The following MAML3 variants were observed in gnomAD, a reference collection of about 807,000 sequenced individuals.
MAML3 encodes the protein mastermind-like protein 3.
A neutral mutation model predicts 101.9 loss-of-function variants in MAML3; 27 were observed. The observed-to-expected ratio is 0.27, with a 90% CI of 0.20 to 0.37. The LOEUF is 0.37. Ranked by LOEUF, MAML3 falls within the 10% of genes least tolerant of loss-of-function variation. MAML3 has a pLI of 1.00. For synonymous variants in MAML3, 501 were observed against 555.9 expected, an observed-to-expected ratio of 0.90 and a Z score of 1.39; for missense variants, 1,316 against 1,444.9, an observed-to-expected ratio of 0.91 and a Z score of 1.45.
intron 2 of MAML3, among the ~76,000 whole-genome samples, chr4:139,881,893 G>A (rs1255432523): frequency 1.3e-5 from 2 of 152,048 alleles, no homozygotes; most frequent in Non-Finnish European, 2.9e-5. Flanking sequence ...TAGAGACGGG[G>A]TTTCACCATA....
At chr4:140,150,241 CTCTG>C (rs1172707871) in intron 1 of MAML3, among the ~76,000 whole-genome samples, 15 of 152,320 alleles carry the variant, frequency 9.8e-5, no homozygotes, top group South Asian at 6.2e-4. Flanking sequence ...CAGCTGATGT[CTCTG>C]TCTATTGAAG....
chr4:139,956,792 T>C (rs1216876036), intron 1 of MAML3, among the ~76,000 whole-genome samples: 2 of 152,164 alleles, frequency 1.3e-5, no homozygotes, highest in Non-Finnish European at 1.5e-5. Flanking sequence ...CACACAGATC[T>C]AGAAGTAGGG....
intron 1 of MAML3, among the ~76,000 whole-genome samples, chr4:140,061,302 C>G (rs896177734): frequency 2.0e-5 from 3 of 152,152 alleles, no homozygotes; most frequent in East Asian, 1.9e-4. Flanking sequence ...GGAGATTTAT[C>G]AGAGAGAGAG....
At chr4:139,842,762 C>CTTTTTTTTTTTTTTTT (rs71584337) in intron 2 of MAML3, among the ~76,000 whole-genome samples, 1 of 30,922 alleles carries the variant, frequency 3.2e-5, no homozygotes, top group African/African-American at 1.3e-4. Flanking sequence ...ATCCGCTTGC[C>CTTTTTTTTTTTTTTTT]TTTTTTTTTT....
intron 2 of MAML3, among the ~76,000 whole-genome samples, chr4:139,871,339 T>G (rs1187080166): frequency 1.3e-5 from 2 of 152,140 alleles, no homozygotes; most frequent in Non-Finnish European, 1.5e-5. Context: ...TCAATTCAGC[T>G]CTCACTTTGC....
At chr4:139,928,279 T>C (rs1733307041) in intron 1 of MAML3, among the ~76,000 whole-genome samples, 1 of 152,222 alleles carries the variant, frequency 6.6e-6, no homozygotes, top group Admixed American at 6.5e-5. Context: ...GATTTGGAAA[T>C]GGATTTATTC....
chr4:139,743,343 G>A (rs1335754794), intron 2 of MAML3, among the ~76,000 whole-genome samples: 1 of 152,152 alleles, frequency 6.6e-6, no homozygotes, highest in Non-Finnish European at 1.5e-5. Context: ...AAAGCTTCCC[G>A]GACACTAGGG....
At chr4:139,967,469 G>GACACACACAC (rs4057112) in intron 1 of MAML3, among the ~76,000 whole-genome samples, 1,464 of 141,522 alleles carry the variant, frequency 0.01, 15 homozygotes, top group Non-Finnish European at 0.014. Context: ...CTTTTTAAGG[G>GACACACACAC]ACACACACAC....
intron 2 of MAML3, among the ~76,000 whole-genome samples, chr4:139,836,974 T>C (rs1731264813): frequency 1.3e-5 from 2 of 151,240 alleles, no homozygotes; most frequent in Admixed American, 1.3e-4. Context: ...AATACAAAAT[T>C]AGCCGGGCTT....
intron 3 of MAML3, among the ~76,000 whole-genome samples, chr4:139,729,296 A>C (rs1470418387): frequency 6.6e-6 from 1 of 152,012 alleles, no homozygotes; most frequent in Non-Finnish European, 1.5e-5. Flanking sequence ...TGTCCTACAC[A>C]GGATACACGG....
chr4:139,797,518 C>T (rs571211776), intron 2 of MAML3, among the ~76,000 whole-genome samples: 10 of 151,812 alleles, frequency 6.6e-5, no homozygotes, highest in Non-Finnish European at 1.3e-4. Flanking sequence ...AACACCACAT[C>T]CTTGGTGGAA....
At chr4:139,753,830 G>A (rs180755700) in intron 2 of MAML3, among the ~76,000 whole-genome samples, 79 of 152,236 alleles carry the variant, frequency 5.2e-4, no homozygotes, top group African/African-American at 1.5e-3. Context: ...CTACCAAGAC[G>A]CACGGGTATG....
At chr4:140,118,296 C>T (rs545853738) in intron 1 of MAML3, among the ~76,000 whole-genome samples, 2 of 152,174 alleles carry the variant, frequency 1.3e-5, no homozygotes, top group South Asian at 2.1e-4. Flanking sequence ...TATCCAGTCA[C>T]TTAGCCTCTC....
intron 1 of MAML3, among the ~76,000 whole-genome samples, chr4:140,051,859 G>A (rs559783618): frequency 1.3e-5 from 2 of 152,186 alleles, no homozygotes; most frequent in East Asian, 3.9e-4. Context: ...GAGGCGCCGG[G>A]ATAAGAACCA....
intron 2 of MAML3, among the ~76,000 whole-genome samples, chr4:139,778,211 C>T (rs1354542384): frequency 6.6e-6 from 1 of 152,152 alleles, no homozygotes; most frequent in Non-Finnish European, 1.5e-5. Flanking sequence ...CTTGCTATCC[C>T]AAGAGAGCTG....
intron 1 of MAML3, among the ~76,000 whole-genome samples, chr4:140,111,342 G>C (rs1433869865): frequency 6.6e-6 from 1 of 152,176 alleles, no homozygotes; most frequent in South Asian, 2.1e-4. Context: ...TGCAACTGAG[G>C]ATTAGCCTAC....
intron 1 of MAML3, among the ~76,000 whole-genome samples, chr4:140,084,789 A>G (rs1727923349): frequency 2.0e-5 from 3 of 152,132 alleles, no homozygotes; most frequent in Admixed American, 6.5e-5. Flanking sequence ...CCTTTAACCT[A>G]CTTTGAGGAC....
chr4:139,831,654 G>A (rs371131555), intron 2 of MAML3, among the ~76,000 whole-genome samples: 4 of 152,110 alleles, frequency 2.6e-5, no homozygotes, highest in East Asian at 3.9e-4. Context: ...CCTTAGACCC[G>A]AGCATGGGAT....
intron 1 of MAML3, among the ~76,000 whole-genome samples, chr4:140,092,997 T>C (rs949681063): frequency 1.4e-4 from 22 of 152,200 alleles, no homozygotes; most frequent in African/African-American, 5.1e-4. Flanking sequence ...ATTCCTGCAC[T>C]GTATTATTGT....
Sources: allele counts gnomAD v4.1 joint callset (sites outside exome capture counted in the v4.1 genomes callset), GRCh38; gene constraint gnomAD v4.1.1; transcripts MANE v1.5; gene names NCBI Gene and HGNC (gene_info 2026-07-23, HGNC 2026-07-21).